Variants in PLXNA4 observed in about 807,000 individuals in gnomAD.
PLXNA4 encodes plexin A4, also known as plexin-A4.
PLXNA4 carries 44 observed loss-of-function variants against 191.8 expected under a neutral mutation model. The observed-to-expected ratio is 0.23, with a 90% CI of 0.18 to 0.29. PLXNA4 has a LOEUF of 0.29. Ranked by LOEUF, PLXNA4 falls within the 10% of genes least tolerant of loss-of-function variation. The pLI is 1.00. For missense variants in PLXNA4, 1,800 were observed against 2,488.8 expected (o/e 0.72, Z 5.89); for synonymous variants, 1,082 against 1,009.5 (o/e 1.07, Z -1.36).
At chr7:132,603,983 G>A (rs1395217179) in intron 2 of PLXNA4, among the ~76,000 whole-genome samples, 8 of 152,156 alleles carry the variant, frequency 5.3e-5, no homozygotes, top group Non-Finnish European at 1.2e-4. Flanking sequence ...GCAAGGTTGT[G>A]GTGAGGATTT....
chr7:132,148,516 C>A, intron 26 of PLXNA4, 27 bp downstream of exon 26: 1 of 1,613,540 alleles, frequency 6.2e-7, no homozygotes, highest in Non-Finnish European at 8.5e-7. Context: ...AGTTGGCTAG[C>A]TCCTCCCCTT....
At chr7:132,249,318 G>T (rs182919262) in intron 4 of PLXNA4, among the ~76,000 whole-genome samples, 2 of 152,336 alleles carry the variant, frequency 1.3e-5, no homozygotes, top group Non-Finnish European at 2.9e-5. Flanking sequence ...GTTGTGGAGG[G>T]CTGCAATTTG....
chr7:132,573,591 C>T (rs1339604699), intron 1 of PLXNA4, among the ~76,000 whole-genome samples: 1 of 152,208 alleles, frequency 6.6e-6, no homozygotes, highest in Non-Finnish European at 1.5e-5. Flanking sequence ...TGTAGGCAGA[C>T]TCTGCCGTGC....
At chr7:132,361,088 G>A (rs1027660259) in intron 3 of PLXNA4, among the ~76,000 whole-genome samples, 1 of 152,164 alleles carries the variant, frequency 6.6e-6, no homozygotes, top group African/African-American at 2.4e-5. Context: ...CTTCCCCAAG[G>A]ACTCAGCTGT....
chr7:132,527,301 AAGGTAAGAGTTAC>A (rs1799436226), intron 1 of PLXNA4, among the ~76,000 whole-genome samples: 1 of 152,032 alleles, frequency 6.6e-6, no homozygotes, highest in Non-Finnish European at 1.5e-5. Context: ...TTTGCTCAGC[AAGGTAAGAGTTAC>A]CTTACTGAGA....
intron 5 of PLXNA4, among the ~76,000 whole-genome samples, chr7:132,236,376 C>T (rs549621042): frequency 6.6e-6 from 1 of 152,288 alleles, no homozygotes; most frequent in African/African-American, 2.4e-5. Context: ...TCCCTCCAAC[C>T]ATGGGGAAAG....
At chr7:132,369,366 T>C (rs1804329621) in intron 3 of PLXNA4, among the ~76,000 whole-genome samples, 1 of 152,128 alleles carries the variant, frequency 6.6e-6, no homozygotes, top group Admixed American at 6.5e-5. Flanking sequence ...CATGGCTTCC[T>C]GGAAAGGAGG....
chr7:132,377,953 C>A (rs1222726302), intron 3 of PLXNA4, among the ~76,000 whole-genome samples: 2 of 152,094 alleles, frequency 1.3e-5, no homozygotes, highest in Admixed American at 6.5e-5. Context: ...ATGGGAGAGG[C>A]AATGGATAGG....
intron 9 of PLXNA4, among the ~76,000 whole-genome samples, chr7:132,220,901 C>G (rs990655079): frequency 1.4e-5 from 2 of 148,024 alleles, no homozygotes; most frequent in African/African-American, 2.5e-5. Context: ...CAGCCTCAAT[C>G]TCCCAGGCTC....
chr7:132,537,055 G>A (rs141240803), intron 1 of PLXNA4, among the ~76,000 whole-genome samples: 88 of 152,316 alleles, frequency 5.8e-4, no homozygotes, highest in African/African-American at 1.9e-3. Context: ...GACAGGTTAC[G>A]TATAAACTGC....
At chr7:132,143,369 G>C (rs1210860372) in intron 29 of PLXNA4, among the ~76,000 whole-genome samples, 2 of 152,188 alleles carry the variant, frequency 1.3e-5, no homozygotes, top group Admixed American at 1.3e-4. Flanking sequence ...CCACTCCAAG[G>C]ACATTATGGC....
intron 3 of PLXNA4, among the ~76,000 whole-genome samples, chr7:132,403,675 G>A (rs1010774932): frequency 2.0e-5 from 3 of 152,078 alleles, no homozygotes; most frequent in Admixed American, 2.0e-4. Flanking sequence ...CCCACCCCAT[G>A]GGAAGTGATG....
In PLXNA4 at chr7:132,576,186, C is replaced by G. The variant is rs1244897097; in HGVS notation, c.-87+236G>C. Among the ~76,000 whole-genome samples, 1 of 152,224 alleles carries G rather than the reference C, an allele frequency of 6.6e-6. No individual in the cohort carries two copies. The highest frequency in any genetic ancestry group is 2.4e-5 in the African/African-American group (1 of 41,464). ...CCAGGAGCGTGAGAGGAGAACACAC[C>G]CGGGAAATCCCTGCTCCGGCCGCTG... On this transcript the variant is annotated intron_variant, in intron 1 of 31. Coordinates refer to ENST00000321063, the MANE Select transcript of PLXNA4 (RefSeq NM_020911.2). The surrounding 1 kb of genome is among the most constrained non-coding windows in gnomAD (Gnocchi z 5.8).
intron 3 of PLXNA4, among the ~76,000 whole-genome samples, chr7:132,379,622 A>G (rs1804806785): frequency 6.6e-6 from 1 of 152,190 alleles, no homozygotes; most frequent in African/African-American, 2.4e-5. Flanking sequence ...CTTTGATTAT[A>G]ATGTACTCTG....
intron 3 of PLXNA4, among the ~76,000 whole-genome samples, chr7:132,358,778 C>A (rs980173630): frequency 6.6e-6 from 1 of 152,076 alleles, no homozygotes; most frequent in Non-Finnish European, 1.5e-5. Flanking sequence ...CAGTTATGAG[C>A]GAGTATCACT....
Position 132,303,002 on chromosome 7 carries a change from G to A in PLXNA4, c.1372-4780C>T, listed in dbSNP as rs1362075093. 2.0e-5 allele frequency among the ~76,000 whole-genome samples: 3 copies of A among 151,962 alleles called. No homozygotes were observed. In the East Asian group the frequency reaches 5.9e-4, roughly 30 times the overall value. On this transcript the variant is annotated intron_variant, in intron 3 of 31. Transcript: ENST00000321063. Reference sequence around the variant, plus strand: ...AGCGATTCTCCTGCCTCAGCCTCCTGAGTAGCTGGGATTACAGTCACCTAC... The same window carrying A: ...AGCGATTCTCCTGCCTCAGCCTCCTAAGTAGCTGGGATTACAGTCACCTAC...
chr7:132,211,705 A>G (rs1303583619), intron 9 of PLXNA4, among the ~76,000 whole-genome samples: 6 of 152,186 alleles, frequency 3.9e-5, no homozygotes, highest in African/African-American at 1.4e-4. Context: ...AGGCCTCATA[A>G]ATCCAGAAAG....
intron 25 of PLXNA4, 60 bp downstream of exon 25, chr7:132,159,410 GAGA>G: frequency 1.3e-6 from 2 of 1,589,628 alleles, no homozygotes; most frequent in Non-Finnish European, 1.7e-6. Context: ...CTGCTGACAG[GAGA>G]AGGTGAGGTG....
intron 3 of PLXNA4, among the ~76,000 whole-genome samples, chr7:132,426,312 C>G (rs1795041949): frequency 6.6e-6 from 1 of 152,188 alleles, no homozygotes; most frequent in South Asian, 2.1e-4. Flanking sequence ...TCCTCTCCCT[C>G]AGGAACACCC....
Sources: allele counts gnomAD v4.1 joint callset (sites outside exome capture counted in the v4.1 genomes callset), GRCh38; gene constraint gnomAD v4.1.1; non-coding constraint Gnocchi (gnomAD v3.1); transcripts MANE v1.5; gene names NCBI Gene and HGNC (gene_info 2026-07-23, HGNC 2026-07-21).